The following DLG2 variants were observed in gnomAD, a reference collection of about 807,000 sequenced individuals.
DLG2 encodes disks large homolog 2.
In DLG2, 45 loss-of-function variants were observed where a neutral mutation model predicts 132.5. The observed-to-expected ratio is 0.34, with a 90% CI of 0.27 to 0.44. The LOEUF is 0.44. Among genes scored for constraint, DLG2 ranks in the 20% least tolerant of loss-of-function variants. The pLI is 1.00. For missense variants in DLG2, 1,045 were observed against 1,196.9 expected (o/e 0.87, Z 1.87); for synonymous variants, 424 against 419.6 (o/e 1.01, Z -0.13).
intron 3 of DLG2, among the ~76,000 whole-genome samples, chr11:85,470,587 G>A (rs950546217): frequency 1.3e-5 from 2 of 152,226 alleles, no homozygotes; most frequent in Non-Finnish European, 1.5e-5. Flanking sequence ...GCTGGGCATG[G>A]TGTTGCATTC....
intron 19 of DLG2, among the ~76,000 whole-genome samples, chr11:83,600,162 A>G (rs1363876403): frequency 1.3e-5 from 2 of 152,052 alleles, no homozygotes; most frequent in African/African-American, 4.8e-5. Context: ...AGCTCATGAT[A>G]GAGAGATTAT....
At position 84,844,085 on chromosome 11, in the gene DLG2, GTATATATA is replaced by G. The variant is rs1555254838; in HGVS notation, c.357+267568_357+267575del. Among the ~76,000 whole-genome samples, 3 of 93,090 alleles carry G rather than the reference GTATATATA, an allele frequency of 3.2e-5. 1 individual carries two copies. Among genetic ancestry groups the G allele is most frequent in the Non-Finnish European group, 6.7e-5 (3 of 44,622 alleles). The allele number at this position is 93,090 out of a possible 152,430, so 61.1% of individuals were successfully genotyped here. The stretch of plus-strand genomic sequence containing the variant: ...TATGTTTGTGTGTGTGTGTGTGTGT[GTATATATA>G]TATATATATGTTTGTGTGTGTGTGT... On this transcript the variant is annotated intron_variant, in intron 6 of 27. Coordinates refer to ENST00000376104, the MANE Select transcript of DLG2 (RefSeq NM_001142699.3).
intron 6 of DLG2, among the ~76,000 whole-genome samples, chr11:84,741,661 A>G (rs781302417): frequency 3.3e-5 from 5 of 152,054 alleles, no homozygotes; most frequent in African/African-American, 9.7e-5. Context: ...GTCTAAATGA[A>G]TATCTTTCCC....
intron 7 of DLG2, among the ~76,000 whole-genome samples, chr11:84,415,647 C>T (rs1180729355): frequency 6.6e-6 from 1 of 152,140 alleles, no homozygotes; most frequent in Non-Finnish European, 1.5e-5. Flanking sequence ...GTGGCCAGCG[C>T]CAGTGAAACA....
At chr11:84,373,999 T>C (rs187756455) in intron 7 of DLG2, among the ~76,000 whole-genome samples, 34 of 152,324 alleles carry the variant, frequency 2.2e-4, no homozygotes, top group African/African-American at 7.7e-4. Context: ...TGAACACATT[T>C]GCTCTGCGTT....
At chr11:84,414,369 G>C (rs1184724575) in intron 7 of DLG2, among the ~76,000 whole-genome samples, 2 of 152,144 alleles carry the variant, frequency 1.3e-5, no homozygotes, top group Non-Finnish European at 2.9e-5. Context: ...GCAGGTAGGT[G>C]AATCTGAACT....
chr11:84,675,775 G>T (rs1289428010), intron 6 of DLG2, among the ~76,000 whole-genome samples: 5 of 152,066 alleles, frequency 3.3e-5, no homozygotes, highest in Non-Finnish European at 7.4e-5. Flanking sequence ...TTACACCGAG[G>T]AGGACTGAAT....
chr11:84,613,275 T>C (rs918472697), intron 6 of DLG2, among the ~76,000 whole-genome samples: 2 of 152,098 alleles, frequency 1.3e-5, no homozygotes, highest in Non-Finnish European at 2.9e-5. Flanking sequence ...AAACACCAGA[T>C]AACAGTTTAT....
chr11:84,804,745 A>C (rs1443666762), intron 6 of DLG2, among the ~76,000 whole-genome samples: 1 of 152,162 alleles, frequency 6.6e-6, no homozygotes, highest in South Asian at 2.1e-4. Flanking sequence ...AAAACACTGC[A>C]CAACAATCTG....
chr11:83,800,673 A>AT (rs1283836280), intron 17 of DLG2, among the ~76,000 whole-genome samples: 1 of 152,008 alleles, frequency 6.6e-6, no homozygotes, highest in Non-Finnish European at 1.5e-5. Flanking sequence ...AGTTAAAAAA[A>AT]ATTAGACCTT....
chr11:84,946,699 T>C (rs1158831689), intron 6 of DLG2, among the ~76,000 whole-genome samples: 1 of 152,116 alleles, frequency 6.6e-6, no homozygotes, highest in Non-Finnish European at 1.5e-5. Context: ...GAAACACAAG[T>C]GCTTCCTTGG....
intron 9 of DLG2, among the ~76,000 whole-genome samples, chr11:84,130,862 GAACT>G (rs1297361002): frequency 6.6e-6 from 1 of 150,714 alleles, no homozygotes; most frequent in Non-Finnish European, 1.5e-5. Flanking sequence ...ATTGAAAGTG[GAACT>G]ACCTGTTCTG....
At chr11:83,617,256 C>G (rs1052609684) in intron 19 of DLG2, among the ~76,000 whole-genome samples, 3 of 152,172 alleles carry the variant, frequency 2.0e-5, no homozygotes, top group African/African-American at 7.2e-5. Flanking sequence ...GAAATGAAAT[C>G]TTTGCCACAT....
intron 3 of DLG2, among the ~76,000 whole-genome samples, chr11:85,318,897 T>C (rs988854403): frequency 4.0e-5 from 6 of 151,834 alleles, no homozygotes; most frequent in African/African-American, 1.4e-4. Flanking sequence ...TGTCACATTA[T>C]ACAATGACTA....
chr11:84,603,552 C>G (rs2099580382), intron 6 of DLG2, among the ~76,000 whole-genome samples: 1 of 151,814 alleles, frequency 6.6e-6, no homozygotes, highest in Non-Finnish European at 1.5e-5. Flanking sequence ...AGATAAAAGA[C>G]AATTCTTAGG....
rs937783847 is a variant in DLG2 at position 84,579,195 on chromosome 11, G to A, written c.358-44464C>T. On this transcript the variant is annotated intron_variant, in intron 6 of 27. Coordinates refer to ENST00000376104, the MANE Select transcript of DLG2 (RefSeq NM_001142699.3). Reference sequence around the variant, plus strand: ...TACACCTTGCATTATTCACGTGTGTGTGTGTGTGTGTGTGTGTGTGTGTGT... The same window carrying A: ...TACACCTTGCATTATTCACGTGTGTATGTGTGTGTGTGTGTGTGTGTGTGT... 3.2e-4 allele frequency among the ~76,000 whole-genome samples: 48 copies of A among 151,148 alleles called. No homozygotes were observed. In the South Asian group the frequency reaches 3.8e-3, roughly 12 times the overall value.
At chr11:84,279,833 T>C (rs965468663) in intron 7 of DLG2, among the ~76,000 whole-genome samples, 2 of 152,120 alleles carry the variant, frequency 1.3e-5, no homozygotes, top group African/African-American at 4.8e-5. Flanking sequence ...AAGGGAGGGA[T>C]AGAATTAGGA....
At chr11:83,692,124 T>G (rs887812362) in intron 18 of DLG2, 2 of 152,218 alleles carry the variant, frequency 1.3e-5, no homozygotes, top group African/African-American at 4.8e-5. Flanking sequence ...GACACCTAAG[T>G]GCCTGTCATT....
chr11:85,382,919 G>A (rs1191638161), intron 3 of DLG2, among the ~76,000 whole-genome samples: 1 of 152,090 alleles, frequency 6.6e-6, no homozygotes, highest in Non-Finnish European at 1.5e-5. Context: ...GGAAAAAGTT[G>A]TCAGTTCCTC....
Sources: gnomAD v4.1 joint callset for allele counts (sites outside exome capture counted in the v4.1 genomes callset) on GRCh38, gnomAD v4.1.1 for gene constraint, MANE v1.5 for transcripts, NCBI Gene and HGNC (gene_info 2026-07-23, HGNC 2026-07-21) for gene names.